IMMP2L: variants seen among roughly 807,000 people sequenced by gnomAD.
IMMP2L encodes the protein inner mitochondrial membrane peptidase subunit 2.
In IMMP2L, 18 loss-of-function variants were observed where a neutral mutation model predicts 19.3. The observed-to-expected ratio is 0.93, with a 90% CI of 0.64 to 1.38. The LOEUF (loss-of-function observed/expected upper bound fraction) is 1.38. IMMP2L is among the 40% of genes most tolerant of loss of function. The pLI is 0.00. For missense variants in IMMP2L, 233 were observed against 218.2 expected (o/e 1.07, Z -0.43); for synonymous variants, 76 against 73.0 (o/e 1.04, Z -0.21).
intron 3 of IMMP2L, among the ~76,000 whole-genome samples, chr7:111,197,135 A>G (rs1168005312): frequency 6.6e-6 from 1 of 152,068 alleles, no homozygotes; most frequent in Non-Finnish European, 1.5e-5. Context: ...AACTCTTACA[A>G]CGATCACATA....
intron 5 of IMMP2L, among the ~76,000 whole-genome samples, chr7:110,832,126 G>A (rs563449574): frequency 3.0e-4 from 45 of 152,254 alleles, no homozygotes; most frequent in African/African-American, 1.1e-3. Context: ...GCTGGGTGTG[G>A]TGGCGTGTGC....
rs2129558017 is a variant in IMMP2L at position 110,980,859 on chromosome 7, G to A, written c.240-17294C>T. ...ATAAATTGTGTATTATGCCATGGCA[G>A]CTTCACTGATGTTGCTATTAAACAT... is the stretch of plus-strand genomic sequence containing the variant. On this transcript the variant is annotated intron_variant, in intron 3 of 5. Coordinates refer to ENST00000405709, the MANE Select transcript of IMMP2L (RefSeq NM_032549.4). Among the ~76,000 whole-genome samples, 3 of 152,280 alleles carry A rather than the reference G, an allele frequency of 2.0e-5. No individual in the cohort carries two copies. In the South Asian group the frequency reaches 6.2e-4, roughly 32 times the overall value.
intron 3 of IMMP2L, among the ~76,000 whole-genome samples, chr7:111,440,318 C>T (rs2131779184): frequency 6.6e-6 from 1 of 151,958 alleles, no homozygotes; most frequent in East Asian, 1.9e-4. Flanking sequence ...TATAGCCTAA[C>T]AAATGTACTT....
At chr7:111,145,159 T>A (rs984306381) in intron 3 of IMMP2L, among the ~76,000 whole-genome samples, 5 of 151,986 alleles carry the variant, frequency 3.3e-5, no homozygotes, top group African/African-American at 1.2e-4. Flanking sequence ...TGCTGAGAAA[T>A]ACAACTGAAG....
At chr7:110,751,252 CA>C (rs2130919346) in intron 5 of IMMP2L, among the ~76,000 whole-genome samples, 1 of 150,606 alleles carries the variant, frequency 6.6e-6, no homozygotes, top group Admixed American at 6.6e-5. Context: ...ATTTACAAAG[CA>C]AATCTCATTA....
intron 5 of IMMP2L, among the ~76,000 whole-genome samples, chr7:110,668,937 T>C (rs1305369468): frequency 1.3e-5 from 2 of 151,948 alleles, no homozygotes; most frequent in Admixed American, 6.6e-5. Context: ...ATATGAACTT[T>C]GTAAAAATTA....
At chr7:110,749,829 T>C (rs1215591354) in intron 5 of IMMP2L, among the ~76,000 whole-genome samples, 3 of 152,130 alleles carry the variant, frequency 2.0e-5, no homozygotes, top group South Asian at 2.1e-4. Flanking sequence ...CAAACCACCC[T>C]GGCACATGTA....
At chr7:110,741,136 G>A (rs1796964030) in intron 5 of IMMP2L, among the ~76,000 whole-genome samples, 1 of 152,026 alleles carries the variant, frequency 6.6e-6, no homozygotes, top group Non-Finnish European at 1.5e-5. Flanking sequence ...TATATACCAT[G>A]GAATACTACT....
chr7:111,413,385 T>C (rs1205303076), intron 3 of IMMP2L, among the ~76,000 whole-genome samples: 7 of 151,244 alleles, frequency 4.6e-5, no homozygotes, highest in East Asian at 1.9e-4. Flanking sequence ...CAAATCCAGA[T>C]AGAGATTACA....
intron 3 of IMMP2L, among the ~76,000 whole-genome samples, chr7:111,320,107 A>G (rs538529371): frequency 2.1e-4 from 32 of 152,198 alleles, no homozygotes; most frequent in African/African-American, 7.0e-4. Flanking sequence ...ATCCCCAGCC[A>G]TAAGTCAAGT....
chr7:110,969,233 C>T (rs921683451), intron 3 of IMMP2L, among the ~76,000 whole-genome samples: 1 of 151,994 alleles, frequency 6.6e-6, no homozygotes, highest in African/African-American at 2.4e-5. Flanking sequence ...TTTGTACATA[C>T]TGCCTCATTT....
chr7:111,533,713 A>G (rs1272511450), intron 1 of IMMP2L, among the ~76,000 whole-genome samples: 1 of 152,156 alleles, frequency 6.6e-6, no homozygotes, highest in Non-Finnish European at 1.5e-5. Flanking sequence ...AATTCCAGAT[A>G]AGCCAAACAT....
At chr7:111,387,602 T>C (rs555434448) in intron 3 of IMMP2L, among the ~76,000 whole-genome samples, 10 of 152,278 alleles carry the variant, frequency 6.6e-5, no homozygotes, top group Admixed American at 1.3e-4. Flanking sequence ...TGTATGCCAG[T>C]GTTATTGCCT....
intron 3 of IMMP2L, among the ~76,000 whole-genome samples, chr7:111,318,555 C>CAA (rs1824351074): frequency 6.6e-6 from 1 of 152,018 alleles, no homozygotes; most frequent in Non-Finnish European, 1.5e-5. Context: ...AAACCCTAGA[C>CAA]AAAAGTAATT....
chr7:110,723,595 T>A (rs1795708395), intron 5 of IMMP2L, among the ~76,000 whole-genome samples: 1 of 152,078 alleles, frequency 6.6e-6, no homozygotes, highest in African/African-American at 2.4e-5. Context: ...AATTGATTGA[T>A]GGAAAAAAGA....
intron 5 of IMMP2L, among the ~76,000 whole-genome samples, chr7:110,823,774 C>T (rs924732875): frequency 3.3e-5 from 5 of 152,010 alleles, no homozygotes; most frequent in African/African-American, 1.2e-4. Context: ...GAAAAAAATT[C>T]TGAAGATTTT....
chr7:111,024,051 T>C (rs1306879612), intron 3 of IMMP2L, among the ~76,000 whole-genome samples: 4 of 152,182 alleles, frequency 2.6e-5, no homozygotes, highest in Non-Finnish European at 2.9e-5. Context: ...ATCTGAAATA[T>C]TGGCCGTGTG....
intron 3 of IMMP2L, among the ~76,000 whole-genome samples, chr7:111,141,844 G>A (rs1225872756): frequency 6.6e-6 from 1 of 152,124 alleles, no homozygotes; most frequent in Non-Finnish European, 1.5e-5. Flanking sequence ...AGGGCTACAG[G>A]TGTGCACCAC....
At chr7:111,103,043 T>C (rs1339894914) in intron 3 of IMMP2L, among the ~76,000 whole-genome samples, 1 of 151,610 alleles carries the variant, frequency 6.6e-6, no homozygotes, top group South Asian at 2.1e-4. Flanking sequence ...CCATTGATCA[T>C]AGTGACTTCA....
Sources: allele counts gnomAD v4.1 joint callset (sites outside exome capture counted in the v4.1 genomes callset), GRCh38; gene constraint gnomAD v4.1.1; transcripts MANE v1.5; gene names NCBI Gene and HGNC (gene_info 2026-07-23, HGNC 2026-07-21).